Variants in RNF145 observed in about 807,000 individuals in gnomAD.
The protein encoded by RNF145 is ring finger protein 145.
In RNF145, 12 loss-of-function variants were observed where a neutral mutation model predicts 57.3. The ratio of observed to expected loss-of-function variants is 0.21; its 90% confidence interval spans 0.13 to 0.34. RNF145 has a LOEUF of 0.34. Among genes scored for constraint, RNF145 ranks in the 10% least tolerant of loss-of-function variants. The pLI, the probability that RNF145 is intolerant of heterozygous loss-of-function variation, is 1.00. For missense variants in RNF145, 429 were observed against 799.0 expected, an observed-to-expected ratio of 0.54 and a Z score of 5.58; for synonymous variants, 262 against 288.3, an observed-to-expected ratio of 0.91 and a Z score of 0.92.
At chr5:159,206,027 G>T (rs1785868494) in intron 1 of RNF145, among the ~76,000 whole-genome samples, 1 of 152,088 alleles carries the variant, frequency 6.6e-6, no homozygotes, top group Non-Finnish European at 1.5e-5. Context: ...TCCATTAGCA[G>T]AATGGTACAT....
At position 159,203,493 on chromosome 5, in the gene RNF145, C is replaced by A; in HGVS notation, c.125G>T (p.Ser42Ile). ...CTGGAAAAGAGGGTTATTACTAAGG[C>A]TACTTCTTTGGATCTGCTGGAAAAA... ...SSFFQQIQRS[S>I]LSNNPLFQYK... is the part of the protein sequence containing the mutation. The change falls in exon 2 of 11, where the codon AGC becomes ATC. Residue 42 changes from serine to isoleucine, a missense_variant. By Grantham distance (142) the Ser-to-Ile change is moderately radical (BLOSUM62 -2). Transcript: ENST00000424310. 6.2e-7 allele frequency: 1 copy of A among 1,614,112 alleles called. No homozygotes were observed. The highest frequency in any genetic ancestry group is 8.5e-7 in the Non-Finnish European group (1 of 1,180,002).
At chr5:159,163,395 T>C (rs151044050) in intron 8 of RNF145, among the ~76,000 whole-genome samples, 2 of 152,324 alleles carry the variant, frequency 1.3e-5, no homozygotes, top group African/African-American at 4.8e-5. Flanking sequence ...TTTCAATAAT[T>C]TTTCCTGGTT....
At chr5:159,199,588 A>C (rs554606856) in intron 2 of RNF145, among the ~76,000 whole-genome samples, 1 of 152,098 alleles carries the variant, frequency 6.6e-6, no homozygotes, top group Non-Finnish European at 1.5e-5. Flanking sequence ...TCTGGCTCTC[A>C]TTACCTCTTG....
In RNF145 at chr5:159,196,993, C is replaced by T. The variant is rs551491968; in HGVS notation, c.185-2169G>A. On this transcript the variant is annotated intron_variant, in intron 2 of 10. Coordinates refer to ENST00000424310, the MANE Select transcript of RNF145 (RefSeq NM_001199383.2). ...TTCAATTATCCAGTCATTCAATCAACATTATTATGTGTAAAGTATGACCCA... is the reference window on the plus strand; with the variant it reads ...TTCAATTATCCAGTCATTCAATCAATATTATTATGTGTAAAGTATGACCCA... Among the ~76,000 whole-genome samples the T allele has an allele frequency of 5.3e-4, 81 of 152,286 alleles. 1 individual carries two copies. In the Middle Eastern group the frequency reaches 0.014, roughly 26 times the overall value.
intron 8 of RNF145, among the ~76,000 whole-genome samples, chr5:159,166,826 A>AT (rs1037697543): frequency 1.3e-5 from 2 of 152,146 alleles, no homozygotes; most frequent in African/African-American, 4.8e-5. Flanking sequence ...GTTTGAAAGT[A>AT]TTTGTTTTAA....
chr5:159,182,113 G>T, intron 3 of RNF145, 62 bp from the exon 4 acceptor site: 2 of 972,916 alleles, frequency 2.1e-6, no homozygotes, highest in South Asian at 1.5e-5. Flanking sequence ...ATCACAATAT[G>T]CTTATAAAAG....
rs1286949160 is a variant in RNF145, at chr5:159,158,391, CTGAAGTTGCTGAGGT to C, written c.*264_*278del. The C allele has an allele frequency of 5.3e-6, 2 of 380,292 alleles. No individual in the cohort carries two copies. The highest frequency in any genetic ancestry group is 9.7e-5 in the East Asian group (2 of 20,702). The allele number at this position is 380,292 out of a possible 1,614,324, so 23.6% of individuals were successfully genotyped here. A position where few individuals can be genotyped will look rare whatever the true frequency, so the allele number is the denominator to read the frequency against. ...CTCTCACACGTATCAGGGGCAGTTT[CTGAAGTTGCTGAGGT>C]TGAATTTTCTTCACAAACCTCTATA... On this transcript the variant is annotated 3_prime_UTR_variant, in exon 11 of 11. Transcript: ENST00000424310.
rs373741130 is a variant in RNF145, at chr5:159,180,786, A to G, written c.385+1174T>C. ...TTGTACCAAGTCTTCAAAATTGAGT[A>G]TGTGCTTTACACATACAGCACACCT... is the stretch of plus-strand genomic sequence containing the variant. On this transcript the variant is annotated intron_variant, in intron 4 of 10. Transcript: ENST00000424310. Among the ~76,000 whole-genome samples, 29 of 152,260 alleles carry G rather than the reference A, an allele frequency of 1.9e-4. 3 individuals are homozygous for G. The highest frequency in any genetic ancestry group is 7.2e-4 in the Admixed American group (11 of 15,274).
Position 159,169,768 on chromosome 5 carries a change from C to A in RNF145, c.849G>T (p.Thr283=), listed in dbSNP as rs531417365. 1.9e-6 allele frequency: 3 copies of A among 1,612,798 alleles called. No individual in the cohort carries two copies. The highest frequency in any genetic ancestry group is 1.7e-5 in the Admixed American group (1 of 59,886). ...TPYSLLGLVF[T]VSFVALGVLT... Reference sequence around the variant, plus strand: ...GAACACCCAAGGCAACAAAAGAAACCGTGAAGACCAAACCCAAAAGAGAGT... The same window carrying A: ...GAACACCCAAGGCAACAAAAGAAACAGTGAAGACCAAACCCAAAAGAGAGT... The change falls in exon 7 of 11, where the codon ACG becomes ACT. Residue 283 remains threonine (T), a synonymous_variant. Transcript: ENST00000424310.
intron 3 of RNF145, among the ~76,000 whole-genome samples, chr5:159,191,665 G>A (rs1254940418): frequency 1.3e-5 from 2 of 152,106 alleles, no homozygotes; most frequent in Admixed American, 1.3e-4. Flanking sequence ...GGTGGCGCAT[G>A]CCTGTAGTCC....
intron 8 of RNF145, among the ~76,000 whole-genome samples, chr5:159,166,944 C>A (rs1308603047): frequency 6.6e-6 from 1 of 151,754 alleles, no homozygotes; most frequent in African/African-American, 2.4e-5. Context: ...GGCAACATAG[C>A]GAGATTCCAT....
Position 159,174,107 on chromosome 5 carries a change from G to A in RNF145, c.673C>T (p.Leu225=). 1 of 1,613,384 alleles carries A rather than the reference G, an allele frequency of 6.2e-7. No individual in the cohort carries two copies. The highest frequency in any genetic ancestry group is 8.5e-7 in the Non-Finnish European group (1 of 1,179,576). Residue 225 remains leucine, a synonymous_variant, in exon 6 of 11, where the codon CTG becomes TTG. Transcript: ENST00000424310. ...ACCATGAAAAGAACAGGGACTACCA[G>A]TTGATTCCACAGGGACATTCCCAAG... ...LALGMSLWNQ[L]VVPVLFMVFW...
intron 6 of RNF145, among the ~76,000 whole-genome samples, chr5:159,171,689 G>A (rs1784564038): frequency 6.6e-6 from 1 of 152,004 alleles, no homozygotes; most frequent in South Asian, 2.1e-4. Flanking sequence ...TTTATTGTTG[G>A]TTGGTGTGTT....
intron 8 of RNF145, 50 bp downstream of exon 8, chr5:159,168,823 G>A: frequency 1.7e-6 from 2 of 1,200,368 alleles, no homozygotes; most frequent in Non-Finnish European, 1.1e-6. Flanking sequence ...ACAAATGCAT[G>A]TAAAGAATAT....
chr5:159,206,946 C>T (rs1333870716), intron 1 of RNF145, among the ~76,000 whole-genome samples: 1 of 143,876 alleles, frequency 7.0e-6, no homozygotes, highest in East Asian at 2.0e-4. Context: ...CACAGTAAAA[C>T]AGCTAAAAAC....
chr5:159,172,140 C>A (rs916256512), intron 6 of RNF145, among the ~76,000 whole-genome samples: 1 of 152,160 alleles, frequency 6.6e-6, no homozygotes, highest in Non-Finnish European at 1.5e-5. Flanking sequence ...AGTTTATTAT[C>A]CTAACCACAG....
chr5:159,162,753 T>G (rs779255066), intron 9 of RNF145, among the ~76,000 whole-genome samples, 179 bp downstream of exon 9: 35 of 152,210 alleles, frequency 2.3e-4, no homozygotes, highest in Non-Finnish European at 4.4e-4. Context: ...AATATTTTCA[T>G]AACCTGCCAT....
intron 3 of RNF145, among the ~76,000 whole-genome samples, chr5:159,185,656 C>T (rs548590960): frequency 1.3e-5 from 2 of 152,318 alleles, no homozygotes; most frequent in Non-Finnish European, 2.9e-5. Flanking sequence ...ATATGATTCT[C>T]TTAAGACTCA....
intron 6 of RNF145, 149 bp downstream of exon 6, chr5:159,173,834 T>C (rs763097466): frequency 3.7e-6 from 2 of 546,078 alleles, no homozygotes; most frequent in Non-Finnish European, 6.2e-6. Flanking sequence ...TTGCCAAACC[T>C]AGGTATCCAG....
Sources: gnomAD v4.1 joint callset for allele counts (sites outside exome capture counted in the v4.1 genomes callset) on GRCh38, gnomAD v4.1.1 for gene constraint, MANE v1.5 for transcripts, NCBI Gene and HGNC (gene_info 2026-07-23, HGNC 2026-07-21) for gene names.